ZNF804A: variants seen among roughly 807,000 people sequenced by gnomAD.
ZNF804A encodes zinc finger protein 804A.
A neutral mutation model predicts 16.5 loss-of-function variants in ZNF804A; 2 were observed. That is an observed-to-expected ratio of 0.12 (90% CI 0.05 to 0.38). ZNF804A has a LOEUF of 0.38. Among genes scored for constraint, ZNF804A ranks in the 10% least tolerant of loss-of-function variants. The pLI, the probability that ZNF804A is intolerant of heterozygous loss-of-function variation, is 0.99. For missense variants in ZNF804A, 1,473 were observed against 1,390.7 expected (o/e 1.06, Z -0.94); for synonymous variants, 534 against 489.6 (o/e 1.09, Z -1.20).
chr2:184,878,870 G>A (rs1403296788), intron 2 of ZNF804A, among the ~76,000 whole-genome samples: 3 of 151,830 alleles, frequency 2.0e-5, no homozygotes, highest in Admixed American at 6.6e-5. Flanking sequence ...GACCATACCC[G>A]AATTTTCAGA....
intron 2 of ZNF804A, among the ~76,000 whole-genome samples, chr2:184,914,150 A>C (rs1241409577): frequency 6.6e-6 from 1 of 152,154 alleles, no homozygotes; most frequent in Non-Finnish European, 1.5e-5. Context: ...GGCCTGGCCC[A>C]TCCTGCCACA....
At chr2:184,711,149 CATT>C in intron 1 of ZNF804A, among the ~76,000 whole-genome samples, 1 of 151,750 alleles carries the variant, frequency 6.6e-6, no homozygotes, top group Non-Finnish European at 1.5e-5. Context: ...AATTTCTCCA[CATT>C]ATCACCAGCA....
chr2:184,735,609 T>C (rs1016030550), intron 1 of ZNF804A, among the ~76,000 whole-genome samples: 1 of 152,208 alleles, frequency 6.6e-6, no homozygotes, highest in South Asian at 2.1e-4. Context: ...TAAATAAATC[T>C]TATGACTTAC....
intron 1 of ZNF804A, among the ~76,000 whole-genome samples, chr2:184,844,587 TCTC>T (rs1304584803): frequency 1.3e-5 from 2 of 151,866 alleles, no homozygotes; most frequent in Non-Finnish European, 2.9e-5. Context: ...TATCCTTACT[TCTC>T]CATAGGTAAC....
intron 1 of ZNF804A, among the ~76,000 whole-genome samples, chr2:184,806,390 GTTTA>G (rs957905440): frequency 2.6e-5 from 4 of 151,710 alleles, no homozygotes; most frequent in Non-Finnish European, 4.4e-5. Context: ...ATAAATGTGT[GTTTA>G]TTTAATTTGG....
intron 1 of ZNF804A, 80 bp from the exon 2 acceptor site, chr2:184,866,289 T>A: frequency 7.5e-7 from 1 of 1,336,952 alleles, no homozygotes; most frequent in Admixed American, 1.9e-5. Context: ...CTAATTATTG[T>A]ACTATAGTTG....
chr2:184,908,294 T>C (rs1191533245), intron 2 of ZNF804A, among the ~76,000 whole-genome samples: 2 of 152,090 alleles, frequency 1.3e-5, no homozygotes, highest in South Asian at 2.1e-4. Context: ...CCTACCATCA[T>C]TGAATCTCTC....
intron 1 of ZNF804A, among the ~76,000 whole-genome samples, chr2:184,804,213 G>A (rs1054227352): frequency 1.1e-4 from 16 of 152,114 alleles, no homozygotes; most frequent in African/African-American, 3.9e-4. Context: ...GAATTCACTC[G>A]GGTAATCCCA....
chr2:184,818,094 G>T (rs1262601355), intron 1 of ZNF804A, among the ~76,000 whole-genome samples: 1 of 151,734 alleles, frequency 6.6e-6, no homozygotes, highest in East Asian at 1.9e-4. Context: ...TCAACCCCAA[G>T]ACACATAATC....
intron 1 of ZNF804A, among the ~76,000 whole-genome samples, chr2:184,833,782 G>C (rs1009098845): frequency 6.6e-6 from 1 of 152,004 alleles, no homozygotes; most frequent in Admixed American, 6.6e-5. Context: ...AAAAGTGATA[G>C]TTATCCCTCC....
intron 1 of ZNF804A, among the ~76,000 whole-genome samples, chr2:184,630,035 T>C (rs1691579418): frequency 6.6e-6 from 1 of 152,128 alleles, no homozygotes. Flanking sequence ...TAAAGCAATG[T>C]TTGTCCTCCA....
intron 1 of ZNF804A, among the ~76,000 whole-genome samples, chr2:184,695,673 C>A (rs1216530167): frequency 6.6e-6 from 1 of 151,880 alleles, no homozygotes; most frequent in Non-Finnish European, 1.5e-5. Flanking sequence ...CCACCTTGGC[C>A]TTCCAAAGTG....
chr2:184,846,390 A>G (rs1446425636), intron 1 of ZNF804A, among the ~76,000 whole-genome samples: 1 of 152,146 alleles, frequency 6.6e-6, no homozygotes, highest in African/African-American at 2.4e-5. Flanking sequence ...ATGCCTATAC[A>G]TATAAGAGAT....
At chr2:184,757,369 C>G (rs1035527979) in intron 1 of ZNF804A, among the ~76,000 whole-genome samples, 1 of 151,938 alleles carries the variant, frequency 6.6e-6, no homozygotes. Context: ...ACCTCTTAAA[C>G]ATGTGCAGGT....
intron 2 of ZNF804A, chr2:184,902,010 A>G (rs1481433357): frequency 1.3e-5 from 2 of 152,106 alleles, no homozygotes; most frequent in African/African-American, 2.4e-5. Context: ...ATACTTAAAG[A>G]CAGTGCCAGG....
intron 2 of ZNF804A, among the ~76,000 whole-genome samples, chr2:184,909,145 G>A (rs2105830856): frequency 6.6e-6 from 1 of 152,170 alleles, no homozygotes; most frequent in East Asian, 1.9e-4. Context: ...CTATTGTAAT[G>A]TTCTGTTAGG....
At chr2:184,907,841 G>T (rs1685300502) in intron 2 of ZNF804A, among the ~76,000 whole-genome samples, 1 of 151,836 alleles carries the variant, frequency 6.6e-6, no homozygotes. Flanking sequence ...TTTTTATTTT[G>T]ATTTTCCAAA....
At chr2:184,670,738 C>T (rs1692328344) in intron 1 of ZNF804A, among the ~76,000 whole-genome samples, 1 of 152,014 alleles carries the variant, frequency 6.6e-6, no homozygotes, top group Non-Finnish European at 1.5e-5. Context: ...ATATTGCACT[C>T]ATATGTCTTT....
chr2:184,924,898 G>C (rs917911516), intron 2 of ZNF804A, among the ~76,000 whole-genome samples: 1 of 151,804 alleles, frequency 6.6e-6, no homozygotes, highest in Non-Finnish European at 1.5e-5. Context: ...TTGTGTCAGA[G>C]AAGATGCTTG....
Sources: allele counts gnomAD v4.1 joint callset (sites outside exome capture counted in the v4.1 genomes callset), GRCh38; gene constraint gnomAD v4.1.1; transcripts MANE v1.5; gene names NCBI Gene and HGNC (gene_info 2026-07-23, HGNC 2026-07-21).